ARPP21: variants seen among roughly 807,000 people sequenced by gnomAD.
ARPP21 encodes the protein cAMP-regulated phosphoprotein 21.
Under a neutral mutation model 113.2 loss-of-function variants are expected in ARPP21, and 69 were observed. The observed-to-expected ratio is 0.61, with a 90% CI of 0.50 to 0.74. ARPP21 has a LOEUF of 0.74. ARPP21 is among the 30% of genes least tolerant of loss of function. The pLI is 0.00. For synonymous variants in ARPP21, 368 were observed against 375.5 expected, an observed-to-expected ratio of 0.98 and a Z score of 0.23; for missense variants, 1,070 against 1,037.4, an observed-to-expected ratio of 1.03 and a Z score of -0.43.
At chr3:35,662,670 T>C (rs371696153) in intron 1 of ARPP21, among the ~76,000 whole-genome samples, 19 of 152,190 alleles carry the variant, frequency 1.2e-4, no homozygotes, top group Non-Finnish European at 2.4e-4. Context: ...CTTGATCATT[T>C]ATTGAATTAT....
At chr3:35,676,884 A>G (rs2077630184) in intron 1 of ARPP21, among the ~76,000 whole-genome samples, 1 of 151,912 alleles carries the variant, frequency 6.6e-6, no homozygotes, top group African/African-American at 2.4e-5. Flanking sequence ...TGCTTGGCTT[A>G]TATAGTATTG....
intron 2 of ARPP21, chr3:35,681,298 A>G (rs547727494): frequency 6.5e-6 from 1 of 154,374 alleles, no homozygotes; most frequent in Non-Finnish European, 1.4e-5. Context: ...ACCTGCAAAT[A>G]ATTTTTCAGT....
At chr3:35,667,025 GA>G (rs999468752) in intron 1 of ARPP21, among the ~76,000 whole-genome samples, 11 of 152,224 alleles carry the variant, frequency 7.2e-5, no homozygotes, top group Admixed American at 2.0e-4. Context: ...TGAAGTCCCA[GA>G]ACCAATCTGT....
At chr3:35,729,827 A>C (rs1452480215) in intron 15 of ARPP21, among the ~76,000 whole-genome samples, 1 of 152,202 alleles carries the variant, frequency 6.6e-6, no homozygotes, top group Non-Finnish European at 1.5e-5. Context: ...ATGCATGCTT[A>C]AGAGCTAAGA....
intron 11 of ARPP21, among the ~76,000 whole-genome samples, chr3:35,711,425 G>T (rs1248202369): frequency 6.6e-6 from 1 of 152,162 alleles, no homozygotes; most frequent in Non-Finnish European, 1.5e-5. Flanking sequence ...GAAACACCTA[G>T]TGTCTTTCTC....
At chr3:35,672,426 GA>G (rs1464998945) in intron 1 of ARPP21, among the ~76,000 whole-genome samples, 1 of 152,040 alleles carries the variant, frequency 6.6e-6, no homozygotes, top group Non-Finnish European at 1.5e-5. Context: ...TTTAGTTTAA[GA>G]AAAAACTTTA....
chr3:35,743,682 G>A (rs541328896), intron 18 of ARPP21, among the ~76,000 whole-genome samples, 157 bp from the exon 19 acceptor site: 147 of 152,308 alleles, frequency 9.7e-4, no homozygotes, highest in Non-Finnish European at 1.6e-3. Flanking sequence ...GCCTCTTTAC[G>A]GGAGAAGTAG....
chr3:35,692,776 A>G (rs1302465829), intron 9 of ARPP21, among the ~76,000 whole-genome samples: 1 of 151,668 alleles, frequency 6.6e-6, no homozygotes, highest in East Asian at 2.0e-4. Context: ...TTACATTTCA[A>G]TTCACATTTA....
intron 11 of ARPP21, chr3:35,715,227 G>A (rs1042025825): frequency 2.0e-6 from 1 of 490,646 alleles, no homozygotes; most frequent in East Asian, 3.3e-5. Context: ...ACCTGGAGAC[G>A]TCCTGAAGGA....
chr3:35,712,514 CTGTG>C (rs10579469), intron 11 of ARPP21, among the ~76,000 whole-genome samples: 9,182 of 132,772 alleles, frequency 0.069, 349 homozygotes, highest in East Asian at 0.14. Flanking sequence ...TCTAAGGTGT[CTGTG>C]TGTGTGTGTG....
At chr3:35,717,989 G>A (rs1211190706) in intron 13 of ARPP21, among the ~76,000 whole-genome samples, 2 of 152,082 alleles carry the variant, frequency 1.3e-5, no homozygotes, top group Admixed American at 1.3e-4. Context: ...ATCCATTGTA[G>A]AGAAAAGTGT....
intron 5 of ARPP21, chr3:35,684,444 A>T: frequency 1.0e-6 from 1 of 979,602 alleles, no homozygotes. Flanking sequence ...AGGTTATAAA[A>T]ATTTAAATTT....
chr3:35,725,243 G>A (rs2093435202), intron 14 of ARPP21, among the ~76,000 whole-genome samples: 2 of 152,190 alleles, frequency 1.3e-5, no homozygotes, highest in Admixed American at 6.5e-5. Context: ...TTTTCATGAT[G>A]ATTAGATTTC....
chr3:35,728,152 T>TTAA (rs3086922), intron 14 of ARPP21, among the ~76,000 whole-genome samples: 11,362 of 129,480 alleles, frequency 0.088, 555 homozygotes, highest in Middle Eastern at 0.12. Context: ...ATATATTACA[T>TTAA]TAATAATAAT....
chr3:35,701,707 A>T (rs1576026114), intron 9 of ARPP21, among the ~76,000 whole-genome samples: 2 of 151,452 alleles, frequency 1.3e-5, no homozygotes, highest in Non-Finnish European at 1.5e-5. Context: ...TAGTAAATGG[A>T]TGTTTATATA....
Position 35,749,646 on chromosome 3 carries a change from A to G in ARPP21, c.2137+5681A>G, listed in dbSNP as rs1365648912. Among the ~76,000 whole-genome samples, 9 of 152,224 alleles carry G rather than the reference A, an allele frequency of 5.9e-5. No individual in the cohort carries two copies. In the East Asian group the frequency reaches 1.7e-3, roughly 29 times the overall value. On this transcript the variant is annotated intron_variant, in intron 19 of 20. Transcript: ENST00000684406. ...TAAATGTTTGTTAGAATTCTCCAAT[A>G]AATCCATTTGACCCTAGAGATTTTC...
At chr3:35,774,374 A>T (rs558420202) in intron 19 of ARPP21, among the ~76,000 whole-genome samples, 1 of 152,084 alleles carries the variant, frequency 6.6e-6, no homozygotes, top group African/African-American at 2.4e-5. Flanking sequence ...ATTTACAAAG[A>T]CCTCTCCAAG....
Position 35,749,445 on chromosome 3 carries a change from A to AAAC in ARPP21, c.2137+5482_2137+5483insCAA, listed in dbSNP as rs1411402105. On this transcript the variant is annotated intron_variant, in intron 19 of 20. Transcript: ENST00000684406. ...ATTCCTAAAAGCAAAAAAAAAAAAAAAAAAAGGAACTTATAAAATCCTATG... is the reference window on the plus strand; with the variant it reads ...ATTCCTAAAAGCAAAAAAAAAAAAAAAACAAAAAGGAACTTATAAAATCCTATG... Among the ~76,000 whole-genome samples, 7 of 151,346 alleles carry AAAC rather than the reference A, an allele frequency of 4.6e-5. 1 individual carries two copies. The highest frequency in any genetic ancestry group is 1.7e-4 in the African/African-American group (7 of 41,292).
intron 5 of ARPP21, 81 bp downstream of exon 5, chr3:35,683,896 G>A (rs779599344): frequency 2.1e-6 from 2 of 972,278 alleles, no homozygotes; most frequent in Non-Finnish European, 3.3e-6. Context: ...GTGTTAAACA[G>A]TGTTTTGGGG....
Sources: gnomAD v4.1 joint callset for allele counts (sites outside exome capture counted in the v4.1 genomes callset) on GRCh38, gnomAD v4.1.1 for gene constraint, MANE v1.5 for transcripts, NCBI Gene and HGNC (gene_info 2026-07-23, HGNC 2026-07-21) for gene names.